UGT1A6: variants seen among roughly 807,000 people sequenced by gnomAD.
The protein encoded by UGT1A6 is UDP glucuronosyltransferase family 1 member A6, also known as UDP-glucuronosyltransferase 1A6.
A neutral mutation model predicts 44.4 loss-of-function variants in UGT1A6; 32 were observed. That is an observed-to-expected ratio of 0.72 (90% confidence interval 0.54 to 0.97). The LOEUF is 0.97. Among genes scored for constraint, UGT1A6 ranks in the 50% least tolerant of loss-of-function variants. UGT1A6 has a pLI of 0.00. For missense variants in UGT1A6, 685 were observed against 661.9 expected, an observed-to-expected ratio of 1.03 and a Z score of -0.38; for synonymous variants, 238 against 248.5, an observed-to-expected ratio of 0.96 and a Z score of 0.40.
intron 1 of UGT1A6, among the ~76,000 whole-genome samples, chr2:233,703,920 T>G (rs1316054867): frequency 6.6e-6 from 1 of 151,942 alleles, no homozygotes; most frequent in Non-Finnish European, 1.5e-5. Flanking sequence ...AGACAAAATC[T>G]CATTCTGTTA....
intron 1 of UGT1A6, among the ~76,000 whole-genome samples, chr2:233,761,962 G>T (rs1257423083): frequency 6.6e-6 from 1 of 152,228 alleles, no homozygotes; most frequent in Non-Finnish European, 1.5e-5. Context: ...CCATTAAGGG[G>T]ACTGATATCA....
At chr2:233,719,782 T>C in intron 1 of UGT1A6, 1 of 1,610,592 alleles carries the variant, frequency 6.2e-7, no homozygotes. Flanking sequence ...TACTTATCTT[T>C]CCAAAGATTT....
chr2:233,727,376 G>A lies in UGT1A6; in HGVS notation c.861+33511G>A, dbSNP rs2077610923. The stretch of plus-strand genomic sequence containing the variant: ...TATCCTTAGGGCCCCTAGGTCTCTG[G>A]AGTACCACCGTCTTCCAAGATACAT... On this transcript the variant is annotated intron_variant, in intron 1 of 4. Transcript: ENST00000305139. Among the ~76,000 whole-genome samples the A allele has an allele frequency of 2.0e-5, 3 of 152,142 alleles. No homozygotes were observed. The South Asian group carries it at 6.2e-4, about 32-fold the overall frequency.
chr2:233,729,125 A>G lies in UGT1A6; in HGVS notation c.861+35260A>G, dbSNP rs760047362. On this transcript the variant is annotated intron_variant, in intron 1 of 4. Transcript: ENST00000305139. ...AGTCAGCTGTCCGTGTCTTCTGCTG[A>G]GATGGCCACAGGACTCCAGGTTCCC... 5 of 1,613,014 alleles carry G rather than the reference A, an allele frequency of 3.1e-6. No individual in the cohort carries two copies. The African/African-American group carries it at 6.7e-5, about 22-fold the overall frequency.
At chr2:233,754,918 G>A (rs1172980350) in intron 1 of UGT1A6, 1 of 1,353,118 alleles carries the variant, frequency 7.4e-7, no homozygotes. Flanking sequence ...TTCTCCAGCG[G>A]GTTTCCCAAG....
intron 1 of UGT1A6, chr2:233,747,939 G>A (rs1693817235): frequency 2.5e-6 from 4 of 1,613,396 alleles, no homozygotes; most frequent in Non-Finnish European, 3.4e-6. Flanking sequence ...TCAGAGGGAG[G>A]TGTCAGTGGT....
At chr2:233,722,845 C>CTT (rs61550889) in intron 1 of UGT1A6, among the ~76,000 whole-genome samples, 2,212 of 135,308 alleles carry the variant, frequency 0.016, 155 homozygotes, top group African/African-American at 0.055. Context: ...AAGAATGTTT[C>CTT]TTTTTTTTTT....
intron 1 of UGT1A6, chr2:233,712,944 G>C (rs768332729): frequency 3.1e-6 from 5 of 1,612,628 alleles, no homozygotes; most frequent in Non-Finnish European, 2.5e-6. Context: ...ACAATTCTAG[G>C]AGGCACAACG....
At chr2:233,719,955 G>A (rs914065471) in intron 1 of UGT1A6, among the ~76,000 whole-genome samples, 4 of 152,160 alleles carry the variant, frequency 2.6e-5, no homozygotes, top group Admixed American at 2.6e-4. Flanking sequence ...CCATCTTCAT[G>A]GTTGTGCATG....
At chr2:233,755,170 T>A (rs1240762958) in intron 1 of UGT1A6, 1 of 1,262,070 alleles carries the variant, frequency 7.9e-7, no homozygotes. Context: ...TCGGGGTTTT[T>A]GTCGGGGTGC....
At chr2:233,724,564 C>T (rs1389770711) in intron 1 of UGT1A6, among the ~76,000 whole-genome samples, 17 of 122,772 alleles carry the variant, frequency 1.4e-4, no homozygotes, top group African/African-American at 2.4e-4. Flanking sequence ...CCAGATGGGG[C>T]GGCGGGGCAG....
intron 1 of UGT1A6, chr2:233,747,682 G>A: frequency 6.2e-7 from 1 of 1,608,610 alleles, no homozygotes; most frequent in Admixed American, 1.7e-5. Flanking sequence ...ATTTACCTCT[G>A]TGGGGCAGTG....
In UGT1A6 at chr2:233,705,292, T is replaced by C. The variant is rs116122647; in HGVS notation, c.861+11427T>C. On this transcript the variant is annotated intron_variant, in intron 1 of 4. Coordinates refer to ENST00000305139, the MANE Select transcript of UGT1A6 (RefSeq NM_001072.4). Reference sequence around the variant, plus strand: ...TGCTTTCAACCTGAAGAACTTCCTTTAGTATTTCTTGTAAGTTGAGTTTTT... The same window carrying C: ...TGCTTTCAACCTGAAGAACTTCCTTCAGTATTTCTTGTAAGTTGAGTTTTT... Among the ~76,000 whole-genome samples the C allele has an allele frequency of 8.8e-3, 1,348 of 152,332 alleles. 24 individuals are homozygous for C. Among genetic ancestry groups the C allele is most frequent in the African/African-American group, 0.031 (1,278 of 41,568 alleles).
rs904899091 is a variant in UGT1A6, at chr2:233,718,702, T to A, written c.861+24837T>A. ...TAAGTAACTGGAGGAGGGCACTTTG[T>A]CTTCCAATTACATGCTGATTTGCTA... is the stretch of plus-strand genomic sequence containing the variant. On this transcript the variant is annotated intron_variant, in intron 1 of 4. Coordinates refer to ENST00000305139, the MANE Select transcript of UGT1A6 (RefSeq NM_001072.4). The A allele has an allele frequency of 5.0e-6, 8 of 1,600,742 alleles. No homozygotes were observed. In the East Asian group the frequency reaches 1.8e-4, roughly 36 times the overall value.
chr2:233,766,278 C>CGGGCTCGGTGGCCT (rs201295078), intron 1 of UGT1A6, among the ~76,000 whole-genome samples: 1 of 116,250 alleles, frequency 8.6e-6, no homozygotes, highest in East Asian at 2.1e-4. Flanking sequence ...CTCGGTGGCC[C>CGGGCTCGGTGGCCT]GGGCTCGGTG....
chr2:233,719,519 T>A (rs757746269), intron 1 of UGT1A6: 1 of 1,613,814 alleles, frequency 6.2e-7, no homozygotes, highest in East Asian at 2.2e-5. Flanking sequence ...CTTATGCAAG[T>A]CTTGCCTCTG....
At position 233,705,625 on chromosome 2, in the gene UGT1A6, A is replaced by G. The variant is rs2075861511; in HGVS notation, c.861+11760A>G. ...TCTGAAGAGAGAAGAAACTGAGTTG[A>G]CAGTTCTAGGAAGTTGAAGGTCTTC... On this transcript the variant is annotated intron_variant, in intron 1 of 4. Transcript: ENST00000305139. 1.3e-5 allele frequency among the ~76,000 whole-genome samples: 2 copies of G among 152,220 alleles called. 1 individual carries two copies. The highest frequency in any genetic ancestry group is 4.8e-5 in the African/African-American group (2 of 41,448).
chr2:233,697,896 A>G (rs1200423778), intron 1 of UGT1A6, among the ~76,000 whole-genome samples: 2 of 152,230 alleles, frequency 1.3e-5, no homozygotes, highest in Non-Finnish European at 2.9e-5. Flanking sequence ...ATTGAATCAA[A>G]TCTATTGACT....
In UGT1A6 at chr2:233,761,156, G is replaced by T. The variant is rs777807265; in HGVS notation, c.862-5878G>T. On this transcript the variant is annotated intron_variant, in intron 1 of 4. Transcript: ENST00000305139. ...CACCAAAATCCACTATCCCAGGTGT[G>T]TATTGGAGTGGGACTTTTACATGCG... The T allele has an allele frequency of 2.7e-5, 43 of 1,614,110 alleles. No homozygotes were observed. The highest frequency in any genetic ancestry group is 1.4e-5 in the Non-Finnish European group (17 of 1,180,052).
Sources: gnomAD v4.1 joint callset for allele counts (sites outside exome capture counted in the v4.1 genomes callset) on GRCh38, gnomAD v4.1.1 for gene constraint, MANE v1.5 for transcripts, NCBI Gene and HGNC (gene_info 2026-07-23, HGNC 2026-07-21) for gene names.